Variants in ADNP observed in about 807,000 individuals in gnomAD.
ADNP encodes the protein activity-dependent neuroprotector homeobox protein.
Under a neutral mutation model 84.9 loss-of-function variants are expected in ADNP, and 4 were observed. The ratio of observed to expected loss-of-function variants is 0.05; its 90% CI spans 0.02 to 0.11. The LOEUF (loss-of-function observed/expected upper bound fraction) is 0.11. Ranked by LOEUF, ADNP falls within the 10% of genes least tolerant of loss-of-function variation. The pLI, the probability that ADNP is intolerant of heterozygous loss-of-function variation, is 1.00. For synonymous variants in ADNP, 554 were observed against 468.1 expected (o/e 1.18, Z -2.37); for missense variants, 1,132 against 1,326.0 (o/e 0.85, Z 2.27).
chr20:50,929,214 A>C (rs1262321816), intron 1 of ADNP, among the ~76,000 whole-genome samples: 1 of 152,242 alleles, frequency 6.6e-6, no homozygotes, highest in East Asian at 1.9e-4. Flanking sequence ...CACCAGACTT[A>C]GGAAAGATAT....
At chr20:50,896,519 A>G (rs1054676826) in intron 5 of ADNP, among the ~76,000 whole-genome samples, 2 of 152,128 alleles carry the variant, frequency 1.3e-5, no homozygotes, top group Non-Finnish European at 2.9e-5. Flanking sequence ...AGATCGTGCC[A>G]TTGCACTCCA....
intron 2 of ADNP, among the ~76,000 whole-genome samples, chr20:50,922,733 C>T (rs1477451838): frequency 6.6e-6 from 1 of 152,010 alleles, no homozygotes; most frequent in African/African-American, 2.4e-5. Flanking sequence ...GCCCCCACCA[C>T]TAAACCCAGC....
intron 2 of ADNP, among the ~76,000 whole-genome samples, chr20:50,910,004 C>T (rs1982884047): frequency 6.6e-6 from 1 of 152,184 alleles, no homozygotes; most frequent in African/African-American, 2.4e-5. Context: ...CACACATTAT[C>T]GTTTCTGCCT....
intron 2 of ADNP, among the ~76,000 whole-genome samples, chr20:50,927,504 A>T (rs1052577098): frequency 6.6e-6 from 1 of 152,172 alleles, no homozygotes; most frequent in African/African-American, 2.4e-5. Flanking sequence ...ACTATACTTT[A>T]ATGAAGTATA....
At position 50,891,148 on chromosome 20, in the gene ADNP, T is replaced by C; in HGVS notation, c.*257A>G. ...AGGCAGATAAAATAAACCTCTGCTT[T>C]TCCTCGTGTGTATTCATGAGTCACC... is the stretch of plus-strand genomic sequence containing the variant. On this transcript the variant is annotated 3_prime_UTR_variant, in exon 6 of 6. Coordinates refer to ENST00000621696, the MANE Select transcript of ADNP (RefSeq NM_001282531.3). 1.6e-6 allele frequency: 2 copies of C among 1,259,596 alleles called. No homozygotes were observed. Among genetic ancestry groups the C allele is most frequent in the Admixed American group, 3.9e-5 (1 of 25,750 alleles). 78.0% of individuals were successfully genotyped at this position (1,259,596 alleles called of 1,614,324 possible).
At chr20:50,929,825 A>T (rs1231199571) in intron 1 of ADNP, among the ~76,000 whole-genome samples, 3 of 152,058 alleles carry the variant, frequency 2.0e-5, no homozygotes, top group Non-Finnish European at 4.4e-5. Context: ...ACACAGAAAC[A>T]GTTTGGTTCT....
At chr20:50,898,574 G>A (rs183782285) in intron 5 of ADNP, among the ~76,000 whole-genome samples, 1 of 152,324 alleles carries the variant, frequency 6.6e-6, no homozygotes, top group East Asian at 1.9e-4. Flanking sequence ...GGTAAAATGG[G>A]ACAAGCCTGA....
chr20:50,897,288 C>A (rs969785868), intron 5 of ADNP, among the ~76,000 whole-genome samples: 1 of 152,146 alleles, frequency 6.6e-6, no homozygotes, highest in African/African-American at 2.4e-5. Context: ...ACTGCTAAAT[C>A]CTTCACTGAA....
intron 2 of ADNP, among the ~76,000 whole-genome samples, chr20:50,926,644 T>A (rs964977390): frequency 6.6e-6 from 1 of 152,192 alleles, no homozygotes; most frequent in Admixed American, 6.5e-5. Flanking sequence ...TTTAATAATA[T>A]GACAATCATT....
chr20:50,901,495 A>G (rs1429689632), intron 5 of ADNP, among the ~76,000 whole-genome samples: 1 of 152,190 alleles, frequency 6.6e-6, no homozygotes, highest in Non-Finnish European at 1.5e-5. Flanking sequence ...AATATCACCT[A>G]TATGACATCA....
At chr20:50,929,678 T>G (rs548375425) in intron 1 of ADNP, among the ~76,000 whole-genome samples, 5 of 152,212 alleles carry the variant, frequency 3.3e-5, no homozygotes, top group African/African-American at 9.6e-5. Flanking sequence ...GAAGCAACAA[T>G]GCAGATTTCT....
At chr20:50,925,173 T>C (rs1984201240) in intron 2 of ADNP, among the ~76,000 whole-genome samples, 1 of 152,050 alleles carries the variant, frequency 6.6e-6, no homozygotes, top group African/African-American at 2.4e-5. Context: ...GAATTTTGCA[T>C]TTTTCATTGA....
chr20:50,894,557 G>A, intron 5 of ADNP, 45 bp from the exon 6 acceptor site: 1 of 1,534,150 alleles, frequency 6.5e-7, no homozygotes, highest in South Asian at 1.3e-5. Context: ...ACTTCAGATA[G>A]GCAGTTAACA....
At chr20:50,910,788 G>A (rs189592676) in intron 2 of ADNP, among the ~76,000 whole-genome samples, 1 of 152,210 alleles carries the variant, frequency 6.6e-6, no homozygotes, top group East Asian at 1.9e-4. Context: ...GCAAGTAGAT[G>A]AGACTAGAGG....
In ADNP at chr20:50,892,949, C is replaced by T; in HGVS notation, c.1765G>A (p.Val589Ile). 6.2e-7 allele frequency: 1 copy of T among 1,614,186 alleles called. No individual in the cohort carries two copies. The highest frequency in any genetic ancestry group is 8.5e-7 in the Non-Finnish European group (1 of 1,180,038). ...VAYHAQNNPP[V>I]PPKPQPKVQE... ...ACCTTTGGCTGTGGCTTTGGAGGAA[C>T]TGGAGGATTATTTTGGGCATGGTAA... Residue 589 changes from valine (V) to isoleucine (I), a missense_variant, in exon 6 of 6, where the codon GTT becomes ATT. Val to Ile is a conservative substitution (Grantham distance 29). Transcript: ENST00000621696.
At chr20:50,926,608 C>G (rs549545806) in intron 2 of ADNP, among the ~76,000 whole-genome samples, 3 of 152,136 alleles carry the variant, frequency 2.0e-5, no homozygotes, top group Admixed American at 6.6e-5. Flanking sequence ...CCAAACTACA[C>G]GTGATACTTG....
chr20:50,917,838 G>C (rs1419668061), intron 2 of ADNP, among the ~76,000 whole-genome samples: 4 of 152,156 alleles, frequency 2.6e-5, no homozygotes, highest in Non-Finnish European at 5.9e-5. Context: ...TAAATGAAAT[G>C]TGGTCATATC....
chr20:50,893,432 G>A lies in ADNP; in HGVS notation c.1282C>T (p.Pro428Ser), dbSNP rs1477429407. 3 of 1,614,052 alleles carry A rather than the reference G, an allele frequency of 1.9e-6. No individual in the cohort carries two copies. Among genetic ancestry groups the A allele is most frequent in the Admixed American group, 3.3e-5 (2 of 60,010 alleles). The change falls in exon 6 of 6, where the codon CCT becomes TCT. Residue 428 changes from proline (P) to serine (S), a missense_variant. Physicochemically the swap from Pro to Ser is moderately conservative, Grantham distance 74. Transcript: ENST00000621696. The surrounding 1 kb of genome is among the most constrained non-coding windows in gnomAD (Gnocchi z 4.4). Reference protein sequence around the residue: ...SRVLGQSSSKPAAAATGPPPG... With the variant: ...SRVLGQSSSKSAAAATGPPPG... ...GGAGGGCCTGTGGCAGCTGCAGCAG[G>A]TTTGGAACTGGACTGACCTAACACT...
intron 5 of ADNP, among the ~76,000 whole-genome samples, chr20:50,901,089 G>A (rs529546684): frequency 6.4e-4 from 97 of 152,246 alleles, no homozygotes; most frequent in Middle Eastern, 6.8e-3. Context: ...GATGAAGGCA[G>A]GTGAACTGAC....
Sources: allele counts gnomAD v4.1 joint callset (sites outside exome capture counted in the v4.1 genomes callset), GRCh38; gene constraint gnomAD v4.1.1; non-coding constraint Gnocchi (gnomAD v3.1); transcripts MANE v1.5; gene names NCBI Gene and HGNC (gene_info 2026-07-23, HGNC 2026-07-21).